The following TMEM170B variants were observed in gnomAD, a reference collection of about 807,000 sequenced individuals.
TMEM170B encodes the protein transmembrane protein 170B.
TMEM170B carries 6 observed loss-of-function variants against 13.0 expected under a neutral mutation model. The ratio of observed to expected loss-of-function variants is 0.46; its 90% CI spans 0.25 to 0.91. The LOEUF is 0.91. TMEM170B is among the 40% of genes least tolerant of loss of function. The pLI, the probability that TMEM170B is intolerant of heterozygous loss-of-function variation, is 0.17. For missense variants in TMEM170B, 138 were observed against 165.2 expected (o/e 0.84, Z 0.90); for synonymous variants, 61 against 64.9 (o/e 0.94, Z 0.29).
intron 1 of TMEM170B, among the ~76,000 whole-genome samples, chr6:11,562,069 G>T (rs543640600): frequency 4.6e-5 from 7 of 152,042 alleles, no homozygotes; most frequent in Non-Finnish European, 1.0e-4. Flanking sequence ...GGTACAAGGC[G>T]GATTGTTGAC....
intron 1 of TMEM170B, among the ~76,000 whole-genome samples, chr6:11,540,291 A>G (rs1759341960): frequency 6.6e-6 from 1 of 152,230 alleles, no homozygotes. Flanking sequence ...TTTTATCCAC[A>G]GTAGAACTTT....
chr6:11,573,245 T>C (rs1759828105), intron 2 of TMEM170B, among the ~76,000 whole-genome samples: 1 of 152,200 alleles, frequency 6.6e-6, no homozygotes, highest in Non-Finnish European at 1.5e-5. Context: ...TACTTTTGTT[T>C]TTAACATTTA....
rs1297362100 is a variant in TMEM170B, at chr6:11,581,511, T to A, written c.*5950T>A. 1 of 152,172 alleles carries A rather than the reference T, an allele frequency of 6.6e-6. No individual in the cohort carries two copies. The highest frequency in any genetic ancestry group is 1.5e-5 in the Non-Finnish European group (1 of 68,010). The allele number at this position is 152,172 out of a possible 1,614,324, so 9.4% of individuals were successfully genotyped here. ...CTTGGTAGTAACATGACTCCACCCT[T>A]TTTGGGAATGTATTTAGGTGGATAA... On this transcript the variant is annotated 3_prime_UTR_variant, in exon 3 of 3. Coordinates refer to ENST00000379426, the MANE Select transcript of TMEM170B (RefSeq NM_001100829.3).
At chr6:11,565,001 T>C (rs916473744) in intron 1 of TMEM170B, among the ~76,000 whole-genome samples, 1 of 152,178 alleles carries the variant, frequency 6.6e-6, no homozygotes, top group Non-Finnish European at 1.5e-5. Flanking sequence ...AGGGAATGAA[T>C]GTGAGACAGA....
At chr6:11,545,854 T>C (rs1185348573) in intron 1 of TMEM170B, among the ~76,000 whole-genome samples, 1 of 122,896 alleles carries the variant, frequency 8.1e-6, no homozygotes, top group East Asian at 2.3e-4. Flanking sequence ...AAAAAAAAAA[T>C]ACAAAAAATT....
chr6:11,562,466 G>A lies in TMEM170B; in HGVS notation c.98-3200G>A, dbSNP rs374769644. 5.6e-4 allele frequency among the ~76,000 whole-genome samples: 84 copies of A among 150,858 alleles called. 2 individuals carry two copies. The South Asian group carries it at 0.018, about 31-fold the overall frequency. On this transcript the variant is annotated intron_variant, in intron 1 of 2. Transcript: ENST00000379426. The stretch of plus-strand genomic sequence containing the variant: ...ACACACACTGTAAAATATATCAGAT[G>A]TATCTTCTTTGAAATAATTTCAAAT...
At chr6:11,567,706 A>G (rs755410016) in intron 2 of TMEM170B, among the ~76,000 whole-genome samples, 80 of 152,176 alleles carry the variant, frequency 5.3e-4, no homozygotes, top group Non-Finnish European at 7.3e-4. Context: ...ATGGTACCTC[A>G]TATGCTTTGT....
chr6:11,579,924 C>A lies in TMEM170B; in HGVS notation c.*4363C>A, dbSNP rs185020351. The A allele has an allele frequency of 6.6e-6, 1 of 152,246 alleles. No homozygotes were observed. The highest frequency in any genetic ancestry group is 1.5e-5 in the Non-Finnish European group (1 of 68,066). 9.4% of individuals were successfully genotyped at this position (152,246 alleles called of 1,614,324 possible). A position where few individuals can be genotyped will look rare whatever the true frequency, so the allele number is the denominator to read the frequency against. ...TTGGCTCTACAGTGTAGTGCCAATT[C>A]TGTAGAAAAATAGAACGATATTCAG... On this transcript the variant is annotated 3_prime_UTR_variant, in exon 3 of 3. Coordinates refer to ENST00000379426, the MANE Select transcript of TMEM170B (RefSeq NM_001100829.3).
intron 1 of TMEM170B, among the ~76,000 whole-genome samples, chr6:11,556,300 A>G (rs540639405): frequency 6.6e-6 from 1 of 152,250 alleles, no homozygotes; most frequent in East Asian, 1.9e-4. Context: ...TGTTGTGGTT[A>G]CCTTCAGTGC....
intron 2 of TMEM170B, among the ~76,000 whole-genome samples, chr6:11,569,332 G>T (rs1474856751): frequency 6.6e-6 from 1 of 151,990 alleles, no homozygotes; most frequent in East Asian, 1.9e-4. Flanking sequence ...TTTGTCTTAT[G>T]GTTTATACTT....
rs781270961 is a variant in TMEM170B at position 11,575,549 on chromosome 6, C to T, written c.387C>T (p.Leu129=). Residue 129 remains leucine (L), a synonymous_variant, in exon 3 of 3, where the codon CTC becomes CTT. Transcript: ENST00000379426. The surrounding 1 kb of genome is among the most constrained non-coding windows in gnomAD (Gnocchi z 4.1). ...LTLIISFSRI[L]ATL ...TAATCATCTCCTTTTCAAGGATCCTCGCTACACTTTGAGGTTTCTGTGGGA... is the reference window on the plus strand; with the variant it reads ...TAATCATCTCCTTTTCAAGGATCCTTGCTACACTTTGAGGTTTCTGTGGGA... The T allele has an allele frequency of 9.9e-6, 16 of 1,612,974 alleles. 1 individual carries two copies. Among genetic ancestry groups the T allele is most frequent in the Admixed American group, 1.7e-5 (1 of 59,978 alleles).
intron 1 of TMEM170B, among the ~76,000 whole-genome samples, chr6:11,555,422 T>C (rs76522304): frequency 0.058 from 8,762 of 152,152 alleles, 272 homozygotes; most frequent in East Asian, 0.16. Context: ...AAGTGGGAGG[T>C]ATTTATCTTA....
At chr6:11,564,026 A>G (rs1759704903) in intron 1 of TMEM170B, among the ~76,000 whole-genome samples, 1 of 152,256 alleles carries the variant, frequency 6.6e-6, no homozygotes, top group Non-Finnish European at 1.5e-5. Flanking sequence ...TTCACTTAGC[A>G]TAATGTCCAC....
chr6:11,550,910 T>C (rs568903318), intron 1 of TMEM170B, among the ~76,000 whole-genome samples: 14 of 152,340 alleles, frequency 9.2e-5, no homozygotes, highest in Non-Finnish European at 1.6e-4. Flanking sequence ...GAAGCTTATA[T>C]TCTTGAGTAT....
chr6:11,538,678 G>C (rs918509672), intron 1 of TMEM170B, among the ~76,000 whole-genome samples: 1 of 152,336 alleles, frequency 6.6e-6, no homozygotes, highest in Middle Eastern at 3.4e-3. Flanking sequence ...CTTTAGTGCT[G>C]AGACTTGAGC....
chr6:11,553,557 T>C (rs1475422692), intron 1 of TMEM170B, among the ~76,000 whole-genome samples: 1 of 152,204 alleles, frequency 6.6e-6, no homozygotes, highest in Admixed American at 6.5e-5. Flanking sequence ...TTTTTTACTT[T>C]AGACAAGTCA....
rs1759787345 is a variant in TMEM170B at position 11,570,641 on chromosome 6, G to A, written c.269-4790G>A. ...TTCCAAAAAACTCCAGGCCCAAAGGGGTTTACAGGAGAATTCTACCAAACT... is the reference window on the plus strand; with the variant it reads ...TTCCAAAAAACTCCAGGCCCAAAGGAGTTTACAGGAGAATTCTACCAAACT... On this transcript the variant is annotated intron_variant, in intron 2 of 2. Transcript: ENST00000379426. Among the ~76,000 whole-genome samples, 4 of 152,134 alleles carry A rather than the reference G, an allele frequency of 2.6e-5. 1 individual carries two copies. The South Asian group carries it at 8.3e-4, about 32-fold the overall frequency.
chr6:11,552,742 A>T (rs1408061767), intron 1 of TMEM170B, among the ~76,000 whole-genome samples: 1 of 152,192 alleles, frequency 6.6e-6, no homozygotes, highest in African/African-American at 2.4e-5. Context: ...GCAAGGTTTT[A>T]GCATTAAAAT....
chr6:11,550,752 T>C (rs547713860), intron 1 of TMEM170B, among the ~76,000 whole-genome samples: 336 of 152,320 alleles, frequency 2.2e-3, no homozygotes, highest in African/African-American at 7.5e-3. Context: ...AGGCAGAGAT[T>C]ATTTTGCCCT....
Sources: allele counts gnomAD v4.1 joint callset (sites outside exome capture counted in the v4.1 genomes callset), GRCh38; gene constraint gnomAD v4.1.1; non-coding constraint Gnocchi (gnomAD v3.1); transcripts MANE v1.5; gene names NCBI Gene and HGNC (gene_info 2026-07-23, HGNC 2026-07-21).